HDAC8: variants seen among roughly 807,000 people sequenced by gnomAD.
HDAC8 encodes histone deacetylase-like 1.
A neutral mutation model predicts 32.2 loss-of-function variants in HDAC8; 1 was observed. The ratio of observed to expected loss-of-function variants is 0.03; its 90% CI spans 0.01 to 0.15. HDAC8 has a LOEUF of 0.15. HDAC8 is among the 10% of genes least tolerant of loss of function. The pLI, the probability that HDAC8 is intolerant of heterozygous loss-of-function variation, is 1.00. For synonymous variants in HDAC8, 108 were observed against 113.9 expected (o/e 0.95, Z 0.33); for missense variants, 117 against 300.0 (o/e 0.39, Z 4.51).
intron 9 of HDAC8, among the ~76,000 whole-genome samples, chrX:72,439,639 CAA>C (rs782744436): frequency 9.9e-4 from 36 of 36,213 alleles, no homozygotes; most frequent in African/African-American, 2.6e-3. Flanking sequence ...AAATGGAAAG[CAA>C]AAAAAAAAAA....
chrX:72,452,185 G>A (rs2148015145), intron 9 of HDAC8, among the ~76,000 whole-genome samples: 1 of 112,681 alleles, frequency 8.9e-6, no homozygotes, highest in African/African-American at 3.2e-5. Flanking sequence ...GCTGGGTGCC[G>A]TGGCTCATGC....
chrX:72,523,879 A>G (rs1457764403), intron 4 of HDAC8, among the ~76,000 whole-genome samples: 3 of 111,758 alleles, frequency 2.7e-5, no homozygotes, highest in Non-Finnish European at 3.8e-5. Context: ...CCAAGGTCAC[A>G]AAGTTAGTAT....
At chrX:72,458,482 G>A (rs1172385806) in intron 9 of HDAC8, among the ~76,000 whole-genome samples, 2 of 111,989 alleles carry the variant, frequency 1.8e-5, no homozygotes, top group Admixed American at 9.5e-5. Context: ...CCTATAGCTG[G>A]GCTACCTGAT....
chrX:72,467,615 A>G, intron 7 of HDAC8: 1 of 166,621 alleles, frequency 6.0e-6, no homozygotes, highest in Non-Finnish European at 1.1e-5. Context: ...ATGAGTTTGG[A>G]CTTTTGCTTA....
intron 4 of HDAC8, among the ~76,000 whole-genome samples, chrX:72,531,049 G>A (rs782635165): frequency 2.7e-5 from 3 of 111,549 alleles, no homozygotes; most frequent in Admixed American, 1.9e-4. Context: ...AGCATGGGAA[G>A]GCTCAGGGGA....
chrX:72,490,283 G>C (rs1286849117), intron 6 of HDAC8, among the ~76,000 whole-genome samples: 2 of 110,657 alleles, frequency 1.8e-5, no homozygotes, highest in East Asian at 5.7e-4. Flanking sequence ...AAATCACGCT[G>C]CTATAAAGAC....
At chrX:72,349,283 C>A (rs1030876505) in intron 10 of HDAC8, among the ~76,000 whole-genome samples, 2 of 112,149 alleles carry the variant, frequency 1.8e-5, no homozygotes, top group African/African-American at 6.5e-5. Flanking sequence ...CTCTCCCCAG[C>A]CTGACTGACC....
At chrX:72,419,921 C>A (rs1011526948) in intron 9 of HDAC8, among the ~76,000 whole-genome samples, 5 of 111,274 alleles carry the variant, frequency 4.5e-5, no homozygotes. Flanking sequence ...GATTTTATTA[C>A]GTTAAATGAA....
intron 4 of HDAC8, among the ~76,000 whole-genome samples, chrX:72,499,148 T>C (rs1242798255): frequency 4.5e-5 from 5 of 111,916 alleles, no homozygotes; most frequent in African/African-American, 1.6e-4. Flanking sequence ...CCATGCTTCT[T>C]GTACAGACTG....
intron 9 of HDAC8, among the ~76,000 whole-genome samples, chrX:72,420,706 C>G (rs2046463769): frequency 8.9e-6 from 1 of 111,867 alleles, no homozygotes; most frequent in South Asian, 3.7e-4. Flanking sequence ...ATCAATTGAT[C>G]AGTACATAAC....
At chrX:72,413,121 T>A (rs782230136) in intron 9 of HDAC8, among the ~76,000 whole-genome samples, 7 of 110,987 alleles carry the variant, frequency 6.3e-5, no homozygotes, top group Non-Finnish European at 1.1e-4. Flanking sequence ...GGTTTTTTTT[T>A]TTATTATTAT....
intron 4 of HDAC8, among the ~76,000 whole-genome samples, chrX:72,527,442 A>G (rs1351575545): frequency 8.9e-6 from 1 of 111,808 alleles, no homozygotes; most frequent in Non-Finnish European, 1.9e-5. Context: ...GAATTACATT[A>G]CGGTAGAATG....
intron 7 of HDAC8, among the ~76,000 whole-genome samples, chrX:72,472,403 T>G (rs1167181135): frequency 8.9e-6 from 1 of 112,049 alleles, no homozygotes; most frequent in Non-Finnish European, 1.9e-5. Context: ...CATCCAGTTG[T>G]CCTATCATCA....
intron 7 of HDAC8, among the ~76,000 whole-genome samples, chrX:72,480,981 T>C (rs907691102): frequency 2.5e-4 from 28 of 110,043 alleles, no homozygotes; most frequent in Admixed American, 1.6e-3. Context: ...GATGATGGGT[T>C]GATAGGTGCA....
At chrX:72,378,020 G>GTA (rs1356837670) in intron 9 of HDAC8, among the ~76,000 whole-genome samples, 4 of 109,012 alleles carry the variant, frequency 3.7e-5, no homozygotes, top group Non-Finnish European at 5.7e-5. Flanking sequence ...GTATGTGTGT[G>GTA]TATATATATG....
chrX:72,503,936 A>C (rs1239332802), intron 4 of HDAC8, among the ~76,000 whole-genome samples: 2 of 112,315 alleles, frequency 1.8e-5, no homozygotes, highest in African/African-American at 6.5e-5. Flanking sequence ...TTAGAAGCTT[A>C]GGATATTTTG....
intron 9 of HDAC8, among the ~76,000 whole-genome samples, chrX:72,430,236 C>G (rs1555976998): frequency 1.8e-5 from 2 of 111,698 alleles, no homozygotes; most frequent in Non-Finnish European, 3.8e-5. Context: ...CTCCTCTTGC[C>G]TCCTTCTCTA....
intron 9 of HDAC8, among the ~76,000 whole-genome samples, chrX:72,412,738 A>T (rs1245140350): frequency 8.9e-6 from 1 of 112,146 alleles, no homozygotes; most frequent in Non-Finnish European, 1.9e-5. Context: ...ATATATTGGG[A>T]AATGGAGATA....
intron 9 of HDAC8, among the ~76,000 whole-genome samples, chrX:72,355,470 T>C (rs1280738787): frequency 9.0e-6 from 1 of 111,687 alleles, no homozygotes; most frequent in Non-Finnish European, 1.9e-5. Context: ...CTTCAGTTTA[T>C]GCACTTTTGA....
Sources: allele counts gnomAD v4.1 joint callset (sites outside exome capture counted in the v4.1 genomes callset), GRCh38; gene constraint gnomAD v4.1.1; transcripts MANE v1.5; gene names NCBI Gene and HGNC (gene_info 2026-07-23, HGNC 2026-07-21).